LSAMP: variants seen among roughly 807,000 people sequenced by gnomAD.
LSAMP encodes the protein limbic system-associated membrane protein.
In LSAMP, 7 loss-of-function variants were observed where a neutral mutation model predicts 38.6. The observed-to-expected ratio is 0.18, with a 90% CI of 0.10 to 0.34. The LOEUF (loss-of-function observed/expected upper bound fraction) is 0.34, where lower values mean the gene tolerates loss of function less well. LSAMP is among the 10% of genes least tolerant of loss of function. LSAMP has a pLI of 1.00. For synonymous variants in LSAMP, 154 were observed against 166.8 expected (o/e 0.92, Z 0.59); for missense variants, 313 against 420.0 (o/e 0.75, Z 2.23).
intron 1 of LSAMP, among the ~76,000 whole-genome samples, chr3:116,115,749 T>C (rs996457867): frequency 3.4e-5 from 5 of 148,238 alleles, no homozygotes; most frequent in African/African-American, 1.2e-4. Flanking sequence ...TTTGAAGACA[T>C]TTTCCCATTA....
At chr3:115,929,528 G>T (rs1487409088) in intron 3 of LSAMP, among the ~76,000 whole-genome samples, 1 of 151,978 alleles carries the variant, frequency 6.6e-6, no homozygotes, top group Non-Finnish European at 1.5e-5. Context: ...TTGATCTACT[G>T]AGCAGGCAGG....
At chr3:116,071,243 A>T (rs1707599076) in intron 2 of LSAMP, among the ~76,000 whole-genome samples, 1 of 151,222 alleles carries the variant, frequency 6.6e-6, no homozygotes. Flanking sequence ...AAGAAAAAAT[A>T]AAAAGAAATA....
intron 3 of LSAMP, among the ~76,000 whole-genome samples, chr3:115,940,599 A>G (rs2107558477): frequency 6.6e-6 from 1 of 152,280 alleles, no homozygotes; most frequent in East Asian, 1.9e-4. Flanking sequence ...GATATAAGGC[A>G]AGGGTCCAAT....
chr3:115,997,702 T>G (rs1286487885), intron 3 of LSAMP, among the ~76,000 whole-genome samples: 6 of 119,412 alleles, frequency 5.0e-5, no homozygotes, highest in Admixed American at 9.6e-5. Context: ...GGGAAACTAT[T>G]GACATTTTGG....
At chr3:116,287,124 A>G (rs191689398) in intron 1 of LSAMP, among the ~76,000 whole-genome samples, 1 of 152,248 alleles carries the variant, frequency 6.6e-6, no homozygotes, top group Admixed American at 6.5e-5. Context: ...TTTTAAAGTT[A>G]ACTGTTTAAG....
intron 1 of LSAMP, among the ~76,000 whole-genome samples, chr3:116,093,977 A>C (rs1195726953): frequency 1.3e-5 from 2 of 152,224 alleles, no homozygotes; most frequent in Admixed American, 6.5e-5. Context: ...AATCAGAAAA[A>C]TTCTAAGCAG....
chr3:116,118,978 A>T (rs1269227632), intron 1 of LSAMP, among the ~76,000 whole-genome samples: 1 of 152,226 alleles, frequency 6.6e-6, no homozygotes, highest in Admixed American at 6.5e-5. Flanking sequence ...CAATTCAGTA[A>T]GTCTGGGTGA....
intron 4 of LSAMP, among the ~76,000 whole-genome samples, chr3:115,845,517 T>C (rs573476260): frequency 6.6e-6 from 1 of 152,270 alleles, no homozygotes; most frequent in Admixed American, 6.5e-5. Flanking sequence ...CCTGTTTGGC[T>C]CATATCTTTC....
In LSAMP at chr3:116,413,913, AC is replaced by A. The variant is rs1299911988; in HGVS notation, c.155+30963del. ...CTCACAGAAAATTACAAAAAAAAAA[AC>A]AAACCAAAAAAACAGGAAACTGCTT... On this transcript the variant is annotated intron_variant, in intron 1 of 6. Coordinates refer to ENST00000490035, the MANE Select transcript of LSAMP (RefSeq NM_002338.5). Among the ~76,000 whole-genome samples, 905 of 151,364 alleles carry A rather than the reference AC, an allele frequency of 6.0e-3. 9 individuals are homozygous for A. The highest frequency in any genetic ancestry group is 0.021 in the African/African-American group (857 of 41,328).
chr3:115,974,638 A>G (rs1939126946), intron 3 of LSAMP, among the ~76,000 whole-genome samples: 1 of 152,190 alleles, frequency 6.6e-6, no homozygotes, highest in East Asian at 1.9e-4. Flanking sequence ...TTCATTTCAC[A>G]TAGAGTAAGG....
intron 1 of LSAMP, among the ~76,000 whole-genome samples, chr3:116,274,805 A>C (rs2047024672): frequency 6.6e-6 from 1 of 150,916 alleles, no homozygotes; most frequent in Non-Finnish European, 1.5e-5. Flanking sequence ...ATTTGAAAGA[A>C]TGATATAATT....
intron 1 of LSAMP, among the ~76,000 whole-genome samples, chr3:116,177,374 T>C (rs970662801): frequency 2.4e-4 from 37 of 151,880 alleles, no homozygotes; most frequent in African/African-American, 8.7e-4. Context: ...GTGGTGGAAG[T>C]TAATAGGAAT....
At chr3:116,347,745 A>G (rs1025928203) in intron 1 of LSAMP, among the ~76,000 whole-genome samples, 1 of 152,182 alleles carries the variant, frequency 6.6e-6, no homozygotes, top group African/African-American at 2.4e-5. Flanking sequence ...CACGAAGCCC[A>G]CAGCCAACTT....
intron 1 of LSAMP, among the ~76,000 whole-genome samples, chr3:116,209,584 T>C (rs185012447): frequency 6.6e-6 from 1 of 152,142 alleles, no homozygotes; most frequent in Non-Finnish European, 1.5e-5. Flanking sequence ...TATGTGTGTA[T>C]GTTTGTATGT....
At chr3:116,199,164 A>ATT (rs765038768) in intron 1 of LSAMP, among the ~76,000 whole-genome samples, 59 of 145,866 alleles carry the variant, frequency 4.0e-4, no homozygotes, top group African/African-American at 1.4e-3. Flanking sequence ...TTTGCTTGTG[A>ATT]TTTTTTTTTT....
At chr3:115,936,571 A>C (rs1339043283) in intron 3 of LSAMP, among the ~76,000 whole-genome samples, 4 of 152,164 alleles carry the variant, frequency 2.6e-5, no homozygotes, top group African/African-American at 9.7e-5. Flanking sequence ...GGAGGTGACA[A>C]AGACCTATCA....
At chr3:115,926,218 C>G (rs1346530923) in intron 3 of LSAMP, among the ~76,000 whole-genome samples, 1 of 151,930 alleles carries the variant, frequency 6.6e-6, no homozygotes, top group African/African-American at 2.4e-5. Flanking sequence ...ACACATGGGG[C>G]AAAGCTAGAT....
chr3:116,185,240 C>T (rs1337803439), intron 1 of LSAMP, among the ~76,000 whole-genome samples: 2 of 151,814 alleles, frequency 1.3e-5, no homozygotes, highest in African/African-American at 4.8e-5. Context: ...TTCTAAACAC[C>T]TACTGTAGAA....
intron 2 of LSAMP, among the ~76,000 whole-genome samples, chr3:116,056,041 T>C (rs1941485559): frequency 6.6e-6 from 1 of 152,146 alleles, no homozygotes; most frequent in Non-Finnish European, 1.5e-5. Flanking sequence ...TTGCCTCTTA[T>C]AAAATAAAGG....
Sources: gnomAD v4.1 joint callset for allele counts (sites outside exome capture counted in the v4.1 genomes callset) on GRCh38, gnomAD v4.1.1 for gene constraint, MANE v1.5 for transcripts, NCBI Gene and HGNC (gene_info 2026-07-23, HGNC 2026-07-21) for gene names.